FARS2: variants seen among roughly 807,000 people sequenced by gnomAD.
FARS2 encodes the protein phenylalanyl-tRNA synthetase 2, mitochondrial.
Under a neutral mutation model 46.4 loss-of-function variants are expected in FARS2, and 40 were observed. The ratio of observed to expected loss-of-function variants is 0.86; its 90% CI spans 0.67 to 1.12. FARS2 has a LOEUF of 1.12. Among genes scored for constraint, FARS2 ranks in the 50% most tolerant of loss-of-function variants. The pLI, the probability that FARS2 is intolerant of heterozygous loss-of-function variation, is 0.00. For synonymous variants in FARS2, 234 were observed against 214.9 expected, an observed-to-expected ratio of 1.09 and a Z score of -0.78; for missense variants, 513 against 567.9, an observed-to-expected ratio of 0.90 and a Z score of 0.98.
At chr6:5,296,604 C>T (rs957304091) in intron 1 of FARS2, among the ~76,000 whole-genome samples, 1 of 152,214 alleles carries the variant, frequency 6.6e-6, no homozygotes, top group African/African-American at 2.4e-5. Flanking sequence ...AAGCCTCTGG[C>T]AACCACCATT....
At chr6:5,335,731 T>C (rs937428521) in intron 1 of FARS2, among the ~76,000 whole-genome samples, 1 of 152,142 alleles carries the variant, frequency 6.6e-6, no homozygotes, top group Non-Finnish European at 1.5e-5. Flanking sequence ...GAGATTTAAG[T>C]TTTTGGAGAA....
intron 5 of FARS2, among the ~76,000 whole-genome samples, chr6:5,567,274 A>C (rs915527125): frequency 3.9e-5 from 6 of 152,188 alleles, no homozygotes; most frequent in Non-Finnish European, 8.8e-5. Context: ...GATGTTGAGC[A>C]TCTTTTCATG....
chr6:5,770,114 A>C (rs2326674), intron 6 of FARS2, among the ~76,000 whole-genome samples: 21,930 of 152,100 alleles, frequency 0.14, 3,012 homozygotes, highest in African/African-American at 0.33. Context: ...TGTCGGGAGG[A>C]CCCTGGAAGC....
chr6:5,635,689 C>T (rs907488768), intron 6 of FARS2, among the ~76,000 whole-genome samples: 3 of 152,050 alleles, frequency 2.0e-5, no homozygotes, highest in African/African-American at 4.8e-5. Flanking sequence ...TGCAGGGTGG[C>T]GTTGGATGAG....
At chr6:5,510,775 C>T (rs1768404037) in intron 4 of FARS2, among the ~76,000 whole-genome samples, 1 of 151,282 alleles carries the variant, frequency 6.6e-6, no homozygotes, top group Admixed American at 6.6e-5. Flanking sequence ...CCCCTCTTGT[C>T]CTCTTGTCCT....
intron 1 of FARS2, among the ~76,000 whole-genome samples, chr6:5,359,107 T>A (rs754572777): frequency 1.5e-5 from 2 of 136,566 alleles, no homozygotes; most frequent in Non-Finnish European, 1.5e-5. Context: ...TGGTGCAATC[T>A]CGGTTCACTG....
In FARS2 at chr6:5,735,652, G is replaced by A. The variant is rs534133284; in HGVS notation, c.1218-35639G>A. On this transcript the variant is annotated intron_variant, in intron 6 of 6. Coordinates refer to ENST00000274680, the MANE Select transcript of FARS2 (RefSeq NM_006567.5). ...TTCTCCCAAGAATTCTTTATCTTTC[G>A]CCTGCTAATAAAACAGTATGAAGTC... 3.9e-5 allele frequency among the ~76,000 whole-genome samples: 6 copies of A among 152,258 alleles called. No individual in the cohort carries two copies. In the South Asian group the frequency reaches 8.3e-4, roughly 21 times the overall value.
At chr6:5,466,099 C>T (rs1247630404) in intron 4 of FARS2, among the ~76,000 whole-genome samples, 4 of 152,142 alleles carry the variant, frequency 2.6e-5, no homozygotes, top group Non-Finnish European at 4.4e-5. Flanking sequence ...TTCTTTTCAA[C>T]GGCGATGGGT....
chr6:5,679,526 C>T (rs1778926170), intron 6 of FARS2, among the ~76,000 whole-genome samples: 1 of 152,170 alleles, frequency 6.6e-6, no homozygotes, highest in South Asian at 2.1e-4. Context: ...TCAACACTCC[C>T]TGGGTTGTTA....
intron 6 of FARS2, among the ~76,000 whole-genome samples, chr6:5,632,882 C>A (rs1008287512): frequency 6.6e-6 from 1 of 151,872 alleles, no homozygotes; most frequent in Non-Finnish European, 1.5e-5. Flanking sequence ...CAACACTAGA[C>A]CCTTATCACT....
At chr6:5,711,354 A>G (rs1759147494) in intron 6 of FARS2, among the ~76,000 whole-genome samples, 1 of 152,314 alleles carries the variant, frequency 6.6e-6, no homozygotes, top group African/African-American at 2.4e-5. Context: ...AATTCCAAGT[A>G]ATTCATACTC....
At chr6:5,574,175 A>T (rs1223080633) in intron 5 of FARS2, among the ~76,000 whole-genome samples, 4 of 152,200 alleles carry the variant, frequency 2.6e-5, no homozygotes, top group African/African-American at 9.7e-5. Context: ...TCTGTCATCC[A>T]GGCTGGACTA....
chr6:5,279,889 G>A (rs552416670), intron 1 of FARS2, among the ~76,000 whole-genome samples: 1 of 152,328 alleles, frequency 6.6e-6, no homozygotes, highest in East Asian at 1.9e-4. Flanking sequence ...GCTGATTCAA[G>A]TGTTAATCTC....
intron 4 of FARS2, chr6:5,431,823 G>C (rs891841612): frequency 1.9e-4 from 75 of 400,390 alleles, no homozygotes; most frequent in African/African-American, 1.5e-3. Flanking sequence ...TCAGAGCTGT[G>C]AGGTTTCTTT....
At chr6:5,556,711 A>G (rs71557568) in intron 5 of FARS2, among the ~76,000 whole-genome samples, 1 of 152,048 alleles carries the variant, frequency 6.6e-6, no homozygotes, top group Non-Finnish European at 1.5e-5. Flanking sequence ...GAAAAAATGA[A>G]CGATCTAGGT....
intron 2 of FARS2, among the ~76,000 whole-genome samples, chr6:5,400,190 T>C (rs922378246): frequency 4.6e-5 from 7 of 152,210 alleles, no homozygotes; most frequent in Admixed American, 3.3e-4. Flanking sequence ...GTCAGTGTTA[T>C]TTTAATTTGC....
intron 5 of FARS2, among the ~76,000 whole-genome samples, chr6:5,610,646 G>A (rs186908756): frequency 6.6e-6 from 1 of 152,262 alleles, no homozygotes; most frequent in East Asian, 1.9e-4. Context: ...GATACTGAGG[G>A]ACGACTATAT....
At chr6:5,425,938 G>T (rs1562031400) in intron 3 of FARS2, among the ~76,000 whole-genome samples, 2 of 152,192 alleles carry the variant, frequency 1.3e-5, no homozygotes, top group South Asian at 4.1e-4. Flanking sequence ...TAGAGAAGAG[G>T]CAGGTGGGGC....
chr6:5,506,218 C>T (rs1185316069), intron 4 of FARS2, among the ~76,000 whole-genome samples: 2 of 152,272 alleles, frequency 1.3e-5, no homozygotes, highest in East Asian at 3.9e-4. Flanking sequence ...CCGCCTCATC[C>T]AGAAATATGG....
Sources: gnomAD v4.1 joint callset for allele counts (sites outside exome capture counted in the v4.1 genomes callset) on GRCh38, gnomAD v4.1.1 for gene constraint, MANE v1.5 for transcripts, NCBI Gene and HGNC (gene_info 2026-07-23, HGNC 2026-07-21) for gene names.